The following SPART variants were observed in gnomAD, a reference collection of about 807,000 sequenced individuals.
SPART encodes the protein spartin.
SPART carries 35 observed loss-of-function variants against 58.7 expected under a neutral mutation model. That is an observed-to-expected ratio of 0.60 (90% CI 0.46 to 0.79). The LOEUF (loss-of-function observed/expected upper bound fraction) is 0.79. Among genes scored for constraint, SPART ranks in the 30% least tolerant of loss-of-function variants. The probability of loss-of-function intolerance (pLI) is 0.00; values close to 1 mark genes in which losing one functional copy is unlikely to be tolerated. For missense variants in SPART, 730 were observed against 786.1 expected, an observed-to-expected ratio of 0.93 and a Z score of 0.85; for synonymous variants, 284 against 280.7, an observed-to-expected ratio of 1.01 and a Z score of -0.12.
At chr13:36,338,261 G>A (rs1884212817) in intron 1 of SPART, among the ~76,000 whole-genome samples, 1 of 152,090 alleles carries the variant, frequency 6.6e-6, no homozygotes, top group Admixed American at 6.5e-5. Flanking sequence ...CAATAAAACA[G>A]ATAAATAATA....
intron 5 of SPART, among the ~76,000 whole-genome samples, chr13:36,324,530 T>G (rs888593980): frequency 6.6e-6 from 1 of 152,136 alleles, no homozygotes; most frequent in South Asian, 2.1e-4. Context: ...TTAGATACCA[T>G]GAAAGAGATA....
intron 2 of SPART, among the ~76,000 whole-genome samples, chr13:36,332,948 T>C (rs9566088): frequency 0.99 from 150,648 of 152,250 alleles, 74,545 homozygotes; most frequent in South Asian, 1. Flanking sequence ...GTAATAGCAG[T>C]GGTATAGAGT....
At chr13:36,330,982 G>A (rs990970873) in intron 3 of SPART, among the ~76,000 whole-genome samples, 4 of 152,134 alleles carry the variant, frequency 2.6e-5, no homozygotes, top group African/African-American at 9.7e-5. Context: ...TTTTCCAGCT[G>A]AGCAATAAAA....
rs1593265559 is a variant in SPART at position 36,335,743 on chromosome 13, C to G, written c.88G>C (p.Gly30Arg). The G allele has an allele frequency of 6.2e-7, 1 of 1,614,024 alleles. No individual in the cohort carries two copies. Among genetic ancestry groups the G allele is most frequent in the East Asian group, 2.2e-5 (1 of 44,880 alleles). The change falls in exon 2 of 9, where the codon GGT becomes CGT. Residue 30 changes from glycine to arginine, a missense_variant. Gly to Arg is a moderately radical substitution (Grantham distance 125). Coordinates refer to ENST00000438666, the MANE Select transcript of SPART (RefSeq NM_015087.5). ...TGACCTAATTCATCTGTATTCAGAC[C>G]TTTGTTAACAAATAAAAAGGCCTTC... The part of the protein sequence containing the change: ...YKKAFLFVNK[G>R]LNTDELGQKE...
chr13:36,346,769 C>T (rs2137676365), upstream of SPART: 1 of 152,566 alleles, frequency 6.6e-6, no homozygotes, highest in African/African-American at 2.4e-5. Context: ...TGCGCAATCT[C>T]TTTCTCTCCA....
At position 36,335,658 on chromosome 13, in the gene SPART, C is replaced by T. The variant is rs1468607839; in HGVS notation, c.173G>A (p.Ser58Asn). ...QGIGHLLRGI[S>N]ISSKESEHTG... is the part of the protein sequence containing the mutation. ...GTGTTCAGACTCTTTTGATGAAATG[C>T]TGATCCCTCTGAGCAGGTGTCCTAT... The change falls in exon 2 of 9, where the codon AGC becomes AAC. Residue 58 changes from serine to asparagine, a missense_variant. By Grantham distance (46) the Ser-to-Asn change is conservative (BLOSUM62 1). Transcript: ENST00000438666. 1 of 1,614,168 alleles carries T rather than the reference C, an allele frequency of 6.2e-7. No individual in the cohort carries two copies. The highest frequency in any genetic ancestry group is 1.7e-5 in the Admixed American group (1 of 60,018).
At chr13:36,363,351 ATCTCTCTCTC>A (rs148406750) in intron 1 of SPART, among the ~76,000 whole-genome samples, 17 of 148,110 alleles carry the variant, frequency 1.1e-4, no homozygotes, top group Middle Eastern at 3.2e-3. Context: ...TTAAATAAGC[ATCTCTCTCTC>A]TCTCTCTCTC....
chr13:36,353,148 GTTTTA>G (rs1885487565), intron 1 of SPART, among the ~76,000 whole-genome samples: 1 of 152,144 alleles, frequency 6.6e-6, no homozygotes, highest in Admixed American at 6.5e-5. Context: ...GTCTTGTTTT[GTTTTA>G]TTTTGCTTTG....
intron 5 of SPART, among the ~76,000 whole-genome samples, chr13:36,322,955 T>C (rs1259589930): frequency 1.3e-5 from 2 of 152,224 alleles, no homozygotes; most frequent in East Asian, 3.8e-4. Flanking sequence ...CTTGTTTGTC[T>C]ATTCTTTAAC....
intron 4 of SPART, among the ~76,000 whole-genome samples, chr13:36,328,551 C>A (rs1350373643): frequency 6.6e-6 from 1 of 152,158 alleles, no homozygotes; most frequent in East Asian, 1.9e-4. Context: ...ATCTAATAGC[C>A]ACATTGGATA....
At chr13:36,345,432 A>C (rs1884997750) in intron 1 of SPART, 1 of 152,242 alleles carries the variant, frequency 6.6e-6, no homozygotes, top group African/African-American at 2.4e-5. Flanking sequence ...TTTCAAAGAA[A>C]AATTGCTACA....
Position 36,335,521 on chromosome 13 carries a change from G to T in SPART, c.310C>A (p.Gln104Lys), listed in dbSNP as rs1883914218. 1 of 1,614,018 alleles carries T rather than the reference G, an allele frequency of 6.2e-7. No individual in the cohort carries two copies. The highest frequency in any genetic ancestry group is 1.3e-5 in the African/African-American group (1 of 74,896). Reference sequence around the variant, plus strand: ...TTGGGCACCTCCTGAAGATCATTCTGCAGAGAAGTGGCAAGACCCTTCTCT... The same window carrying T: ...TTGGGCACCTCCTGAAGATCATTCTTCAGAGAAGTGGCAAGACCCTTCTCT... ...ILEKGLATSL[Q>K]NDLQEVPKLY... is the part of the protein sequence containing the mutation. Residue 104 changes from glutamine (Q) to lysine (K), a missense_variant, in exon 2 of 9, where the codon CAG (glutamine) becomes AAG (lysine). Physicochemically the swap from Gln to Lys is moderately conservative, Grantham distance 53 (BLOSUM62 1). Coordinates refer to ENST00000438666, the MANE Select transcript of SPART (RefSeq NM_015087.5).
intron 1 of SPART, among the ~76,000 whole-genome samples, chr13:36,359,639 TAAATA>T (rs1227294245): frequency 6.6e-6 from 1 of 152,130 alleles, no homozygotes; most frequent in Non-Finnish European, 1.5e-5. Flanking sequence ...TATTTGGGAT[TAAATA>T]AAATAACGTA....
intron 5 of SPART, among the ~76,000 whole-genome samples, chr13:36,317,469 T>C (rs78930665): frequency 0.24 from 36,304 of 150,188 alleles, 4,800 homozygotes; most frequent in East Asian, 0.5. Flanking sequence ...TTCTGTGCCC[T>C]AACTTAACTC....
intron 5 of SPART, among the ~76,000 whole-genome samples, chr13:36,324,130 TC>T (rs1001486146): frequency 2.0e-5 from 3 of 152,224 alleles, no homozygotes; most frequent in Admixed American, 1.3e-4. Flanking sequence ...TGTTAATCTT[TC>T]CACAAGATCT....
At position 36,332,707 on chromosome 13, in the gene SPART, C is replaced by T. The variant is rs183572949; in HGVS notation, c.811-1111G>A. ...GCGGAGGTCGGCTTGCCAGTACATA[C>T]ACAGACATAAGCTCACATCCTGGCT... On this transcript the variant is annotated intron_variant, in intron 2 of 8. Transcript: ENST00000438666. 3.3e-5 allele frequency among the ~76,000 whole-genome samples: 5 copies of T among 152,294 alleles called. No homozygotes were observed. The East Asian group carries it at 9.6e-4, about 29-fold the overall frequency.
rs1227420065 is a variant in SPART, at chr13:36,304,193, T to TA, written c.*171dup. On this transcript the variant is annotated 3_prime_UTR_variant, in exon 9 of 9. Transcript: ENST00000438666. Reference sequence around the variant, plus strand: ...TTCTAAGGCCAGATGCAAGAATACTTATTCTTTTCCTTTTAAATAGAAGAC... The same window carrying TA: ...TTCTAAGGCCAGATGCAAGAATACTTAATTCTTTTCCTTTTAAATAGAAGAC... 4 of 738,840 alleles carry TA rather than the reference T, an allele frequency of 5.4e-6. No individual in the cohort carries two copies. Among genetic ancestry groups the TA allele is most frequent in the African/African-American group, 1.8e-5 (1 of 56,354 alleles). 45.8% of individuals were successfully genotyped at this position (738,840 alleles called of 1,614,324 possible). A position where few individuals can be genotyped will look rare whatever the true frequency, so the allele number is the denominator to read the frequency against.
intron 1 of SPART, chr13:36,345,500 T>TGTATTATGATAC (rs1305708753): frequency 6.6e-6 from 1 of 152,168 alleles, no homozygotes; most frequent in East Asian, 1.9e-4. Flanking sequence ...GCAAATTCGT[T>TGTATTATGATAC]AAATTATGAT....
intron 5 of SPART, among the ~76,000 whole-genome samples, chr13:36,316,349 A>G (rs1593230999): frequency 6.6e-6 from 1 of 152,262 alleles, no homozygotes. Context: ...GCCCAAGCCA[A>G]GCCATCGCAT....
Sources: gnomAD v4.1 joint callset for allele counts (sites outside exome capture counted in the v4.1 genomes callset) on GRCh38, gnomAD v4.1.1 for gene constraint, MANE v1.5 for transcripts, NCBI Gene and HGNC (gene_info 2026-07-23, HGNC 2026-07-21) for gene names.